Variants in ROS1 observed in about 807,000 individuals in gnomAD.
The protein encoded by ROS1 is proto-oncogene tyrosine-protein kinase ROS.
ROS1 carries 263 observed loss-of-function variants against 273.5 expected under a neutral mutation model. The observed-to-expected ratio is 0.96, with a 90% CI of 0.87 to 1.06. The LOEUF (loss-of-function observed/expected upper bound fraction) is 1.06, where lower values mean the gene tolerates loss of function less well. Ranked by LOEUF, ROS1 falls within the 50% of genes least tolerant of loss-of-function variation. ROS1 has a pLI of 0.00. For missense variants in ROS1, 2,833 were observed against 2,751.1 expected, an observed-to-expected ratio of 1.03 and a Z score of -0.67; for synonymous variants, 1,008 against 954.1, an observed-to-expected ratio of 1.06 and a Z score of -1.04.
chr6:117,388,230 T>C (rs991020017), intron 13 of ROS1, among the ~76,000 whole-genome samples: 3 of 152,196 alleles, frequency 2.0e-5, no homozygotes, highest in African/African-American at 7.2e-5. Context: ...AATAGGACTG[T>C]CCTTCAGTCA....
chr6:117,348,651 A>T (rs1226618510), intron 27 of ROS1, among the ~76,000 whole-genome samples: 2 of 151,684 alleles, frequency 1.3e-5, no homozygotes, highest in African/African-American at 4.8e-5. Context: ...TTTGGGACTT[A>T]ATTTACTCTT....
intron 21 of ROS1, among the ~76,000 whole-genome samples, chr6:117,363,795 C>G (rs1222420247): frequency 6.6e-6 from 1 of 152,124 alleles, no homozygotes; most frequent in Non-Finnish European, 1.5e-5. Context: ...GTATAACTCT[C>G]TAGTATCTAT....
chr6:117,386,184 G>C (rs1772564357), intron 15 of ROS1, among the ~76,000 whole-genome samples: 1 of 152,222 alleles, frequency 6.6e-6, no homozygotes, highest in African/African-American at 2.4e-5. Flanking sequence ...CTGAGACAAG[G>C]TGAGATCATG....
At chr6:117,398,329 A>G (rs1422110462) in intron 7 of ROS1, among the ~76,000 whole-genome samples, 1 of 152,168 alleles carries the variant, frequency 6.6e-6, no homozygotes. Flanking sequence ...CCCTTGTCTG[A>G]CAATCATTCC....
In ROS1 at chr6:117,366,107, T is replaced by C. The variant is rs971293620; in HGVS notation, c.2766A>G (p.Thr922=). The C allele has an allele frequency of 6.2e-7, 1 of 1,613,996 alleles. No individual in the cohort carries two copies. Among genetic ancestry groups the C allele is most frequent in the African/African-American group, 1.3e-5 (1 of 74,916 alleles). The part of the protein sequence containing the change: ...VLEPARFNQF[T]IIQTSLKPLP... ...GGGGCTTAAGGGATGTCTGAATAAT[T>C]GTGAACTGATTAAATCTGGCTGGTT... is the stretch of plus-strand genomic sequence containing the variant. The change falls in exon 19 of 44, where the codon ACA becomes ACG. Residue 922 remains threonine (T), a synonymous_variant. Coordinates refer to ENST00000368507, the MANE Select transcript of ROS1 (RefSeq NM_001378902.1).
chr6:117,302,112 T>C (rs1269318273), intron 42 of ROS1, among the ~76,000 whole-genome samples: 1 of 151,974 alleles, frequency 6.6e-6, no homozygotes, highest in African/African-American at 2.4e-5. Context: ...AGCAGAAAAA[T>C]TGTAAGTATT....
intron 42 of ROS1, among the ~76,000 whole-genome samples, chr6:117,304,792 A>C (rs925199147): frequency 1.3e-5 from 2 of 152,094 alleles, no homozygotes. Flanking sequence ...CCAGTGTTGG[A>C]GGAGGGGCCT....
intron 9 of ROS1, among the ~76,000 whole-genome samples, chr6:117,395,835 T>C (rs1773443546): frequency 6.6e-6 from 1 of 151,662 alleles, no homozygotes; most frequent in African/African-American, 2.4e-5. Flanking sequence ...ATATATAATC[T>C]AAAATAGGGA....
chr6:117,320,058 C>T (rs753741299), intron 36 of ROS1, 28 bp from the exon 37 acceptor site: 3 of 1,605,158 alleles, frequency 1.9e-6, no homozygotes, highest in South Asian at 1.1e-5. Flanking sequence ...TTTTGTCTCC[C>T]CACCCTCCAC....
intron 5 of ROS1, among the ~76,000 whole-genome samples, chr6:117,405,768 A>T (rs542391226): frequency 6.6e-6 from 1 of 152,310 alleles, no homozygotes; most frequent in South Asian, 2.1e-4. Flanking sequence ...TTTTCAGTAC[A>T]TGGCACAGTG....
At chr6:117,418,796 G>C (rs10484302) in intron 1 of ROS1, among the ~76,000 whole-genome samples, 8,208 of 152,216 alleles carry the variant, frequency 0.054, 266 homozygotes, top group Middle Eastern at 0.092. Context: ...CTGTGGCATT[G>C]GTCAGTTAAT....
Position 117,362,558 on chromosome 6 carries a change from A to G in ROS1, c.3366+45T>C, listed in dbSNP as rs763254794. ...AACATAGTCTTTCCCTCTCCCCACAATGCCGCTATTAAGACTCTCATATCT... is the reference window on the plus strand; with the variant it reads ...AACATAGTCTTTCCCTCTCCCCACAGTGCCGCTATTAAGACTCTCATATCT... On this transcript the variant is annotated intron_variant, in intron 22 of 43. Transcript: ENST00000368507. The G allele has an allele frequency of 1.4e-4, 214 of 1,565,016 alleles. No homozygotes were observed. In the East Asian group the frequency reaches 4.7e-3, roughly 34 times the overall value.
In ROS1 at chr6:117,288,463, C is replaced by A. The variant is rs370264692; in HGVS notation, c.*29G>T. 1.8e-5 allele frequency: 28 copies of A among 1,545,654 alleles called. No homozygotes were observed. In the African/African-American group the frequency reaches 3.4e-4, roughly 19 times the overall value. On this transcript the variant is annotated 3_prime_UTR_variant, in exon 44 of 44. Coordinates refer to ENST00000368507, the MANE Select transcript of ROS1 (RefSeq NM_001378902.1). ...GTAACTACTGAATGAGAGTGTTTAT[C>A]TCAACTCTCTATTTCCCAAACAACG...
chr6:117,416,963 G>A (rs536592868), intron 2 of ROS1, among the ~76,000 whole-genome samples: 1 of 152,166 alleles, frequency 6.6e-6, no homozygotes, highest in East Asian at 1.9e-4. Flanking sequence ...AGTCTCCTTT[G>A]CCATCTCTTT....
chr6:117,390,055 C>A (rs1283981256), intron 12 of ROS1, among the ~76,000 whole-genome samples: 1 of 152,172 alleles, frequency 6.6e-6, no homozygotes, highest in Non-Finnish European at 1.5e-5. Flanking sequence ...AAATTTCAGC[C>A]TCACTTGTAA....
intron 43 of ROS1, among the ~76,000 whole-genome samples, chr6:117,295,920 A>C (rs1038014322): frequency 6.6e-6 from 1 of 152,224 alleles, no homozygotes; most frequent in Non-Finnish European, 1.5e-5. Flanking sequence ...CACTAAGAAG[A>C]ACAGTTTGGA....
chr6:117,418,656 A>C (rs1221147385), intron 1 of ROS1, 150 bp from the exon 2 acceptor site: 19 of 546,960 alleles, frequency 3.5e-5, no homozygotes, highest in Non-Finnish European at 6.1e-5. Flanking sequence ...AGAGGCATTA[A>C]ATTCATCACT....
At chr6:117,415,607 C>T (rs1438106471) in intron 3 of ROS1, among the ~76,000 whole-genome samples, 1 of 152,040 alleles carries the variant, frequency 6.6e-6, no homozygotes, top group Admixed American at 6.6e-5. Flanking sequence ...TGTAAAGTAC[C>T]AAGGGGTTAA....
chr6:117,317,686 G>A (rs1776014833), intron 38 of ROS1, among the ~76,000 whole-genome samples: 8 of 152,080 alleles, frequency 5.3e-5, no homozygotes, highest in Admixed American at 5.2e-4. Flanking sequence ...ATCAAACCAA[G>A]TAAGTCCCAA....
Sources: gnomAD v4.1 joint callset for allele counts (sites outside exome capture counted in the v4.1 genomes callset) on GRCh38, gnomAD v4.1.1 for gene constraint, MANE v1.5 for transcripts, NCBI Gene and HGNC (gene_info 2026-07-23, HGNC 2026-07-21) for gene names.